Variants in RNPEPL1 observed in about 807,000 individuals in gnomAD.
The protein encoded by RNPEPL1 is arginyl aminopeptidase like 1.
Under a neutral mutation model 69.0 loss-of-function variants are expected in RNPEPL1, and 46 were observed. That is an observed-to-expected ratio of 0.67 (90% CI 0.53 to 0.85). RNPEPL1 has a LOEUF of 0.85. Ranked by LOEUF, RNPEPL1 falls within the 40% of genes least tolerant of loss-of-function variation. The pLI is 0.00. For synonymous variants in RNPEPL1, 525 were observed against 454.1 expected, an observed-to-expected ratio of 1.16 and a Z score of -1.98; for missense variants, 869 against 992.5, an observed-to-expected ratio of 0.88 and a Z score of 1.67.
chr2:240,577,440 G>A (rs2093040905), intron 10 of RNPEPL1, among the ~76,000 whole-genome samples, 159 bp from the exon 11 acceptor site: 1 of 152,200 alleles, frequency 6.6e-6, no homozygotes. Flanking sequence ...GGAGGTGGGA[G>A]GCTAATGGTA....
At position 240,577,617 on chromosome 2, in the gene RNPEPL1, A is replaced by G. The variant is rs1354553484; in HGVS notation, c.1903A>G (p.Ile635Val). 6.3e-7 allele frequency: 1 copy of G among 1,595,312 alleles called. No individual in the cohort carries two copies. Among genetic ancestry groups the G allele is most frequent in the Admixed American group, 1.7e-5 (1 of 59,200 alleles). The change falls in exon 11 of 11, where the codon ATC (isoleucine) becomes GTC (valine). Residue 635 changes from isoleucine to valine, a missense_variant. By Grantham distance (29) the Ile-to-Val change is conservative (BLOSUM62 3). This residue lies in a region of RNPEPL1 where 610 missense variants were observed against 790.9 expected (regional missense o/e 0.77). Coordinates refer to ENST00000270357, the MANE Select transcript of RNPEPL1 (RefSeq NM_018226.6). The part of the protein sequence containing the change: ...LESQMSRMYT[I>V]PLYEDLCTGA... ...CCTGCAGATGTCACGCATGTACACC[A>G]TCCCGCTGTACGAGGACCTCTGCAC...
chr2:240,573,613 T>C (rs999916902), intron 3 of RNPEPL1, among the ~76,000 whole-genome samples, 162 bp from the exon 4 acceptor site: 2 of 152,178 alleles, frequency 1.3e-5, no homozygotes, highest in Non-Finnish European at 2.9e-5. Context: ...AGGGCCAGGG[T>C]GGCTGCCCAT....
In RNPEPL1 at chr2:240,575,674, C is replaced by T. The variant is rs143454831; in HGVS notation, c.1510+64C>T. 7.2e-3 allele frequency: 9,434 copies of T among 1,318,908 alleles called. 48 individuals carry two copies. Among genetic ancestry groups the T allele is most frequent in the Non-Finnish European group, 9.2e-3 (8,414 of 915,304 alleles). The allele number at this position is 1,318,908 out of a possible 1,614,324, so 81.7% of individuals were successfully genotyped here. ...GGTATGATGGCAGGCGGGGCCTCTGCTGCCTGAGGGGCCACTCCACCTGGA... is the reference window on the plus strand; with the variant it reads ...GGTATGATGGCAGGCGGGGCCTCTGTTGCCTGAGGGGCCACTCCACCTGGA... On this transcript the variant is annotated intron_variant, in intron 8 of 10. Coordinates refer to ENST00000270357, the MANE Select transcript of RNPEPL1 (RefSeq NM_018226.6).
intron 1 of RNPEPL1, among the ~76,000 whole-genome samples, chr2:240,571,609 G>T (rs527996314): frequency 1.7e-3 from 252 of 152,150 alleles, no homozygotes; most frequent in African/African-American, 5.9e-3. Flanking sequence ...CCCCGGGTGT[G>T]CAGGCTTCTC....
chr2:240,574,230 C>G lies in RNPEPL1; in HGVS notation c.1056C>G (p.Ile352Met). 6.2e-7 allele frequency: 1 copy of G among 1,613,384 alleles called. No homozygotes were observed. The highest frequency in any genetic ancestry group is 8.5e-7 in the Non-Finnish European group (1 of 1,179,968). ...ATGAGTTCCTGGTCATCGATGTCAT[C>G]CACGAGGTGGCCCACAGTTGGTTCG... is the stretch of plus-strand genomic sequence containing the variant. ...ESDEFLVIDV[I>M]HEVAHSWFGN... The change falls in exon 5 of 11, where the codon ATC becomes ATG. Residue 352 changes from isoleucine to methionine, a missense_variant. By Grantham distance (10) the Ile-to-Met change is conservative (BLOSUM62 1). This residue lies in a region of RNPEPL1 where 610 missense variants were observed against 790.9 expected (regional missense o/e 0.77). Coordinates refer to ENST00000270357, the MANE Select transcript of RNPEPL1 (RefSeq NM_018226.6).
In RNPEPL1 at chr2:240,575,076, C is replaced by T. The variant is rs777917188; in HGVS notation, c.1335C>T (p.Gly445=). Residue 445 remains glycine, a synonymous_variant, in exon 7 of 11, where the codon GGC becomes GGT. Transcript: ENST00000270357. ...HLMNLFTYEK[G]YCFVYYLSQL... is the part of the protein sequence containing the mutation. ...TGAACCTGTTCACCTACGAGAAGGG[C>T]TACTGCTTCGTGTACTACCTGTCCC... 4 of 1,613,734 alleles carry T rather than the reference C, an allele frequency of 2.5e-6. No individual in the cohort carries two copies. Among genetic ancestry groups the T allele is most frequent in the East Asian group, 2.2e-5 (1 of 44,896 alleles).
Position 240,574,180 on chromosome 2 carries a change from A to G in RNPEPL1, c.1006A>G (p.Ile336Val). 1.2e-6 allele frequency: 2 copies of G among 1,612,964 alleles called. No homozygotes were observed. The highest frequency in any genetic ancestry group is 8.5e-7 in the Non-Finnish European group (1 of 1,179,776). Residue 336 changes from isoleucine (I) to valine (V), a missense_variant, in exon 5 of 11, where the codon ATC becomes GTC. By Grantham distance (29) the Ile-to-Val change is conservative. This residue lies in a region of RNPEPL1 where 610 missense variants were observed against 790.9 expected (regional missense o/e 0.77). Coordinates refer to ENST00000270357, the MANE Select transcript of RNPEPL1 (RefSeq NM_018226.6). ...VAMENPCLTFIISSILESDEF... is the reference protein window; with the variant it reads ...VAMENPCLTFVISSILESDEF... ...CATGGAGAACCCCTGCCTCACCTTC[A>G]TCATCTCCTCCATCCTGGAGAGCGA...
rs1365542307 is a variant in RNPEPL1, at chr2:240,580,289, G to C, written c.*2397G>C. On this transcript the variant is annotated 3_prime_UTR_variant, in exon 11 of 11. Coordinates refer to ENST00000270357, the MANE Select transcript of RNPEPL1 (RefSeq NM_018226.6). ...CACTAGATACGCACACTTAGCTCAC[G>C]GTCTGCCTCATGAGTCATCCCAGTT... The C allele has an allele frequency of 6.6e-6, 1 of 152,012 alleles. No homozygotes were observed. Among genetic ancestry groups the C allele is most frequent in the Non-Finnish European group, 1.5e-5 (1 of 68,038 alleles). The allele number at this position is 152,012 out of a possible 1,614,324, so 9.4% of individuals were successfully genotyped here.
chr2:240,572,567 A>C lies in RNPEPL1; in HGVS notation c.669+4A>C, dbSNP rs371699869. ...CACCTACTCTGCCGTCGTCAAGGTC[A>C]GGGGCCGCCAGCTGCCGTCACCTTG... On this transcript the variant is annotated splice_donor_region_variant and intron_variant, in intron 2 of 10. Coordinates refer to ENST00000270357, the MANE Select transcript of RNPEPL1 (RefSeq NM_018226.6). 877 of 1,536,024 alleles carry C rather than the reference A, an allele frequency of 5.7e-4. 4 individuals carry two copies. In the African/African-American group the frequency reaches 0.01, roughly 18 times the overall value.
At chr2:240,576,499 C>T (rs975341287) in intron 8 of RNPEPL1, 36 bp from the exon 9 acceptor site, 5 of 1,570,010 alleles carry the variant, frequency 3.2e-6, no homozygotes, top group Admixed American at 3.7e-5. Context: ...CCTTCCTAGC[C>T]TGGGCAGGGA....
In RNPEPL1 at chr2:240,573,975, G is replaced by C. The variant is rs935646045; in HGVS notation, c.938+84G>C. On this transcript the variant is annotated intron_variant, in intron 4 of 10. Coordinates refer to ENST00000270357, the MANE Select transcript of RNPEPL1 (RefSeq NM_018226.6). ...CCTCGTCTGACCCCTGGGGTGTCCT[G>C]TCCCCATCTCCTGGGGAGGAAGCGG... 3.6e-6 allele frequency: 5 copies of C among 1,397,606 alleles called. No homozygotes were observed. In the African/African-American group the frequency reaches 7.1e-5, roughly 20 times the overall value. 86.6% of individuals were successfully genotyped at this position (1,397,606 alleles called of 1,614,324 possible).
intron 6 of RNPEPL1, 62 bp from the exon 7 acceptor site, chr2:240,574,968 T>C: frequency 1.6e-6 from 2 of 1,265,002 alleles, no homozygotes; most frequent in Non-Finnish European, 2.3e-6. Context: ...CCACTGCCCC[T>C]CCCTATTCCA....
At chr2:240,571,915 G>C (rs980391820) in intron 1 of RNPEPL1, among the ~76,000 whole-genome samples, 2 of 151,686 alleles carry the variant, frequency 1.3e-5, no homozygotes, top group African/African-American at 4.8e-5. Context: ...AGGCTGCCTG[G>C]GCTCAGGGTG....
At chr2:240,572,119 T>C (rs1433228988) in intron 1 of RNPEPL1, among the ~76,000 whole-genome samples, 5 of 152,390 alleles carry the variant, frequency 3.3e-5, no homozygotes, top group East Asian at 1.9e-4. Flanking sequence ...ATTCCCTTTT[T>C]TCGCCTTGGC....
At position 240,568,679 on chromosome 2, in the gene RNPEPL1, C is replaced by G. The variant is rs2093011410; in HGVS notation, c.93C>G (p.Ala31=). 12 of 1,049,032 alleles carry G rather than the reference C, an allele frequency of 1.1e-5. No individual in the cohort carries two copies. The highest frequency in any genetic ancestry group is 1.4e-5 in the Non-Finnish European group (12 of 868,644). 65.0% of individuals were successfully genotyped at this position (1,049,032 alleles called of 1,614,324 possible). A position where few individuals can be genotyped will look rare whatever the true frequency, so the allele number is the denominator to read the frequency against. Residue 31 remains alanine (A), a synonymous_variant, in exon 1 of 11, where the codon GCC becomes GCG. Transcript: ENST00000270357. This position sits in a 1 kb window ranked among gnomAD's most constrained non-coding sequence, Gnocchi z 6.2. ...AGCCGCCGCCCGCCCTGGACGTGGC[C>G]TCGGCCTCCAGCGCGCAGCTCTTCC... ...PPEPPPALDV[A]SASSAQLFRL...
intron 5 of RNPEPL1, 74 bp downstream of exon 5, chr2:240,574,422 C>T (rs983090943): frequency 2.6e-6 from 4 of 1,541,918 alleles, no homozygotes; most frequent in African/African-American, 1.4e-5. Context: ...CCTAGCCTGG[C>T]CCCCCTGCCA....
rs140305556 is a variant in RNPEPL1, at chr2:240,576,761, G to A, written c.1737G>A (p.Pro579=). Reference sequence around the variant, plus strand: ...GGCTCCTGGATGGGTCCCCGCTGCCGCAGGGTGAGTCCCTGCAGCTGATGG... The same window carrying A: ...GGCTCCTGGATGGGTCCCCGCTGCCACAGGGTGAGTCCCTGCAGCTGATGG... ...LDRLLDGSPL[P]QEVVMSLSKC... Residue 579 remains proline (P), a synonymous_variant, in exon 9 of 11, where the codon CCG becomes CCA. Transcript: ENST00000270357. 1.8e-5 allele frequency: 29 copies of A among 1,612,696 alleles called. No homozygotes were observed. Among genetic ancestry groups the A allele is most frequent in the East Asian group, 4.5e-5 (2 of 44,884 alleles).
In RNPEPL1 at chr2:240,579,028, T is replaced by C. The variant is rs1240246752; in HGVS notation, c.*1136T>C. ...AGTGGTGATCCTTTCCCAAGATGGG[T>C]ACAAGGTGACAGGCATGTTTTGTTT... On this transcript the variant is annotated 3_prime_UTR_variant, in exon 11 of 11. Coordinates refer to ENST00000270357, the MANE Select transcript of RNPEPL1 (RefSeq NM_018226.6). 2.0e-5 allele frequency: 3 copies of C among 152,302 alleles called. No individual in the cohort carries two copies. In the East Asian group the frequency reaches 5.8e-4, roughly 29 times the overall value. The allele number at this position is 152,302 out of a possible 1,614,324, so 9.4% of individuals were successfully genotyped here. A position where few individuals can be genotyped will look rare whatever the true frequency, so the allele number is the denominator to read the frequency against.
chr2:240,568,591 C>T lies in RNPEPL1; in HGVS notation c.5C>T (p.Ala2Val), dbSNP rs1362716194. 2.2e-5 allele frequency: 22 copies of T among 983,754 alleles called. No homozygotes were observed. The highest frequency in any genetic ancestry group is 5.2e-4 in the Middle Eastern group (1 of 1,912). 60.9% of individuals were successfully genotyped at this position (983,754 alleles called of 1,614,324 possible). Residue 2 changes from alanine (A) to valine (V), a missense_variant, in exon 1 of 11, where the codon GCC becomes GTC. Transcript: ENST00000270357. This position sits in a 1 kb window ranked among gnomAD's most constrained non-coding sequence, Gnocchi z 6.2. M[A>V]AQCCCRQAPG... ...TTTCACCTAGTGCCGGCGGCCATGG[C>T]CGCGCAGTGCTGCTGCCGCCAGGCG...
Sources: gnomAD v4.1 joint callset for allele counts (sites outside exome capture counted in the v4.1 genomes callset) on GRCh38, gnomAD v4.1.1 for gene constraint, gnomAD v4.1.1 regional missense constraint, Gnocchi (gnomAD v3.1) non-coding constraint, MANE v1.5 for transcripts, NCBI Gene and HGNC (gene_info 2026-07-23, HGNC 2026-07-21) for gene names.